ATXN7L1: variants seen among roughly 807,000 people sequenced by gnomAD.
The protein encoded by ATXN7L1 is ataxin-7-like protein 1.
A neutral mutation model predicts 70.8 loss-of-function variants in ATXN7L1; 15 were observed. The observed-to-expected ratio is 0.21, with a 90% CI of 0.14 to 0.33. The LOEUF (loss-of-function observed/expected upper bound fraction) is 0.33, where lower values mean the gene tolerates loss of function less well. Among genes scored for constraint, ATXN7L1 ranks in the 10% least tolerant of loss-of-function variants. ATXN7L1 has a pLI of 1.00. For missense variants in ATXN7L1, 975 were observed against 1,097.1 expected, an observed-to-expected ratio of 0.89 and a Z score of 1.57; for synonymous variants, 440 against 445.1, an observed-to-expected ratio of 0.99 and a Z score of 0.14.
At chr7:105,645,370 A>T (rs1403548454) in intron 4 of ATXN7L1, among the ~76,000 whole-genome samples, 2 of 152,220 alleles carry the variant, frequency 1.3e-5, no homozygotes, top group Non-Finnish European at 2.9e-5. Flanking sequence ...CTTTAAAAAT[A>T]CAGATCAGAG....
chr7:105,763,753 T>G (rs1800858143), intron 3 of ATXN7L1, among the ~76,000 whole-genome samples: 1 of 151,962 alleles, frequency 6.6e-6, no homozygotes, highest in Admixed American at 6.5e-5. Context: ...CAACCAGCTG[T>G]GTCCTGCTAG....
chr7:105,671,511 T>A (rs551658916), intron 3 of ATXN7L1, among the ~76,000 whole-genome samples: 168 of 152,252 alleles, frequency 1.1e-3, no homozygotes, highest in Admixed American at 2.2e-3. Context: ...AATTAAGTAT[T>A]CAATACATCA....
chr7:105,845,800 A>G (rs939608882), intron 2 of ATXN7L1, among the ~76,000 whole-genome samples: 1 of 152,216 alleles, frequency 6.6e-6, no homozygotes, highest in Admixed American at 6.5e-5. Context: ...CAATGGAACA[A>G]AGAATAGTCT....
intron 4 of ATXN7L1, among the ~76,000 whole-genome samples, chr7:105,660,221 G>A (rs1801371450): frequency 2.0e-5 from 3 of 152,026 alleles, no homozygotes; most frequent in Admixed American, 2.0e-4. Context: ...GACCCCCCGA[G>A]CCATCATTCT....
intron 2 of ATXN7L1, among the ~76,000 whole-genome samples, chr7:105,836,777 T>C (rs1812443362): frequency 6.6e-6 from 1 of 152,136 alleles, no homozygotes; most frequent in Admixed American, 6.5e-5. Flanking sequence ...AAAATAGGTT[T>C]AGGCTGGGTG....
At chr7:105,844,373 T>C (rs1813662513) in intron 2 of ATXN7L1, among the ~76,000 whole-genome samples, 1 of 152,160 alleles carries the variant, frequency 6.6e-6, no homozygotes, top group Admixed American at 6.5e-5. Flanking sequence ...ATAAAAAGGA[T>C]TATGTACCAT....
chr7:105,660,576 C>CTTTTTTTTTTTTTTTTT (rs34008024), intron 4 of ATXN7L1, among the ~76,000 whole-genome samples: 2 of 78,140 alleles, frequency 2.6e-5, no homozygotes, highest in African/African-American at 5.3e-5. Flanking sequence ...CGGAAGTGAC[C>CTTTTTTTTTTTTTTTTT]TTTTTTTTTT....
intron 2 of ATXN7L1, among the ~76,000 whole-genome samples, chr7:105,840,861 C>T (rs1320680659): frequency 6.6e-6 from 1 of 152,166 alleles, no homozygotes; most frequent in African/African-American, 2.4e-5. Context: ...TTTACCTTTG[C>T]CCCCAAGTTC....
intron 2 of ATXN7L1, among the ~76,000 whole-genome samples, chr7:105,810,247 G>T (rs1300082610): frequency 6.6e-6 from 1 of 152,198 alleles, no homozygotes; most frequent in Non-Finnish European, 1.5e-5. Flanking sequence ...AGTTCAGAGT[G>T]GTCTTTCACA....
intron 3 of ATXN7L1, among the ~76,000 whole-genome samples, chr7:105,782,641 C>A (rs752453863): frequency 6.6e-6 from 1 of 152,202 alleles, no homozygotes; most frequent in African/African-American, 2.4e-5. Context: ...CCCTGTAGGA[C>A]GCTATGGCAC....
At chr7:105,755,586 C>G (rs1052074774) in intron 3 of ATXN7L1, among the ~76,000 whole-genome samples, 2 of 152,156 alleles carry the variant, frequency 1.3e-5, no homozygotes, top group Admixed American at 1.3e-4. Context: ...CCTAGAAAAG[C>G]CCCATCCACT....
chr7:105,809,433 C>T (rs1305642081), intron 2 of ATXN7L1, among the ~76,000 whole-genome samples: 1 of 152,146 alleles, frequency 6.6e-6, no homozygotes, highest in Non-Finnish European at 1.5e-5. Context: ...CCTCCTTCCT[C>T]CGGCCCCTGG....
intron 7 of ATXN7L1, among the ~76,000 whole-genome samples, chr7:105,625,593 T>C (rs1041287292): frequency 3.3e-5 from 5 of 152,224 alleles, no homozygotes; most frequent in Admixed American, 2.0e-4. Context: ...CTGTGGGGCA[T>C]GATTGGCTCA....
chr7:105,824,665 TAGAA>T (rs966520193), intron 2 of ATXN7L1, among the ~76,000 whole-genome samples: 2 of 152,100 alleles, frequency 1.3e-5, no homozygotes, highest in African/African-American at 4.8e-5. Context: ...AAAGGAATTC[TAGAA>T]AGAGAGAACC....
chr7:105,675,317 C>G (rs1326611499), intron 3 of ATXN7L1, among the ~76,000 whole-genome samples: 1 of 152,126 alleles, frequency 6.6e-6, no homozygotes, highest in Non-Finnish European at 1.5e-5. Context: ...AGAGACTAAT[C>G]ACTACTTAAA....
intron 2 of ATXN7L1, among the ~76,000 whole-genome samples, chr7:105,837,799 T>C (rs982298830): frequency 6.6e-6 from 1 of 152,082 alleles, no homozygotes; most frequent in Non-Finnish European, 1.5e-5. Context: ...TCCACTCACA[T>C]GGCGAGCCCG....
chr7:105,872,249 C>G (rs57826286), intron 2 of ATXN7L1, among the ~76,000 whole-genome samples: 17,027 of 152,184 alleles, frequency 0.11, 3,185 homozygotes, highest in African/African-American at 0.38. Context: ...ACCCCAGCCT[C>G]CCAAAGTGTT....
intron 2 of ATXN7L1, among the ~76,000 whole-genome samples, chr7:105,809,516 T>C (rs1808105731): frequency 2.0e-5 from 3 of 152,232 alleles, no homozygotes; most frequent in African/African-American, 4.8e-5. Flanking sequence ...AATCAGGCAG[T>C]ATTGGTCCTT....
At chr7:105,781,477 A>C (rs1803523117) in intron 3 of ATXN7L1, among the ~76,000 whole-genome samples, 1 of 152,186 alleles carries the variant, frequency 6.6e-6, no homozygotes, top group Admixed American at 6.5e-5. Context: ...GTGCACACAC[A>C]CAGAGCATCA....
Sources: gnomAD v4.1 joint callset for allele counts (sites outside exome capture counted in the v4.1 genomes callset) on GRCh38, gnomAD v4.1.1 for gene constraint, MANE v1.5 for transcripts, NCBI Gene and HGNC (gene_info 2026-07-23, HGNC 2026-07-21) for gene names.